EML1: variants seen among roughly 807,000 people sequenced by gnomAD.
The protein encoded by EML1 is echinoderm microtubule-associated protein-like 1.
In EML1, 27 loss-of-function variants were observed where a neutral mutation model predicts 110.4. The ratio of observed to expected loss-of-function variants is 0.24; its 90% CI spans 0.18 to 0.34. The LOEUF is 0.34. EML1 is among the 10% of genes least tolerant of loss of function. The pLI is 1.00. For synonymous variants in EML1, 344 were observed against 385.8 expected (o/e 0.89, Z 1.27); for missense variants, 741 against 1,030.9 (o/e 0.72, Z 3.85).
At chr14:99,928,397 G>A (rs2060306239) in intron 17 of EML1, among the ~76,000 whole-genome samples, 2 of 152,016 alleles carry the variant, frequency 1.3e-5, no homozygotes, top group South Asian at 4.1e-4. Flanking sequence ...GGCATAACAA[G>A]TTGTTCCAGG....
At chr14:99,851,701 CT>C (rs1433516878) in intron 2 of EML1, among the ~76,000 whole-genome samples, 1 of 151,926 alleles carries the variant, frequency 6.6e-6, no homozygotes, top group African/African-American at 2.4e-5. Flanking sequence ...TTCTACCTAG[CT>C]TTTTTTTGAA....
intron 1 of EML1, among the ~76,000 whole-genome samples, chr14:99,787,523 C>A (rs1437792587): frequency 6.6e-6 from 1 of 152,092 alleles, no homozygotes; most frequent in Non-Finnish European, 1.5e-5. Flanking sequence ...AGGTGATCTG[C>A]CTGGCTTGGC....
intron 4 of EML1, among the ~76,000 whole-genome samples, chr14:99,882,823 GA>G (rs112821117): frequency 0.1 from 14,997 of 143,234 alleles, 2,140 homozygotes; most frequent in African/African-American, 0.32. Context: ...CAACAAACAT[GA>G]AAAAAAAAAA....
At chr14:99,838,919 G>GCGCT (rs1555394664) in intron 1 of EML1, 1 of 41,782 alleles carries the variant, frequency 2.4e-5, no homozygotes, top group Non-Finnish European at 4.9e-5. Flanking sequence ...GCGCGCGCGC[G>GCGCT]TGTGTGTGTG....
chr14:99,856,671 C>T (rs1340748979), intron 2 of EML1, among the ~76,000 whole-genome samples: 2 of 152,064 alleles, frequency 1.3e-5, no homozygotes, highest in African/African-American at 4.8e-5. Flanking sequence ...GCTGCCCTCT[C>T]CAGTTTAGAT....
At chr14:99,751,449 A>G (rs575468416) in intron 1 of EML1, among the ~76,000 whole-genome samples, 10 of 152,202 alleles carry the variant, frequency 6.6e-5, no homozygotes, top group Admixed American at 6.5e-4. Context: ...GCAGACAAAG[A>G]TGACAGTATG....
intron 15 of EML1, 117 bp downstream of exon 15, chr14:99,914,814 A>G (rs2060006681): frequency 7.3e-7 from 1 of 1,365,428 alleles, no homozygotes. Context: ...AATGTTATTT[A>G]TCTATTTAGA....
upstream of EML1, among the ~76,000 whole-genome samples, chr14:99,768,329 A>G (rs1293593916): frequency 6.6e-6 from 1 of 152,114 alleles, no homozygotes; most frequent in Admixed American, 6.5e-5. Flanking sequence ...GAGTGGTGAG[A>G]TGGGGTCTCT....
At chr14:99,874,471 G>A (rs764391204) in intron 3 of EML1, among the ~76,000 whole-genome samples, 5 of 152,084 alleles carry the variant, frequency 3.3e-5, no homozygotes, top group African/African-American at 2.4e-5. Context: ...TTCACTCGCC[G>A]TCCAGAGAGA....
chr14:99,799,811 A>G (rs567101124), intron 1 of EML1, among the ~76,000 whole-genome samples: 1 of 152,358 alleles, frequency 6.6e-6, no homozygotes, highest in Admixed American at 6.5e-5. Context: ...GAGAGGAGAA[A>G]TAACATCTTT....
intron 1 of EML1, among the ~76,000 whole-genome samples, chr14:99,776,727 C>T (rs2057487106): frequency 6.6e-6 from 1 of 152,170 alleles, no homozygotes; most frequent in Non-Finnish European, 1.5e-5. Flanking sequence ...GAATTCCCCT[C>T]TTCTCAAATG....
At chr14:99,890,464 C>T (rs891486319) in intron 4 of EML1, among the ~76,000 whole-genome samples, 1 of 152,160 alleles carries the variant, frequency 6.6e-6, no homozygotes, top group Non-Finnish European at 1.5e-5. Flanking sequence ...CAGTGGCGGC[C>T]GCCTCTCCTT....
rs570007463 is a variant in EML1 at position 99,854,426 on chromosome 14, T to C, written c.250+3391T>C. On this transcript the variant is annotated intron_variant, in intron 2 of 21. Coordinates refer to ENST00000262233, the MANE Select transcript of EML1 (RefSeq NM_004434.3). ...AAGGTCAAGGCTTCCTGAAATGGGA[T>C]GAGATTGTGGCCCACTGTAATGTGC... is the stretch of plus-strand genomic sequence containing the variant. Among the ~76,000 whole-genome samples, 3 of 152,068 alleles carry C rather than the reference T, an allele frequency of 2.0e-5. No individual in the cohort carries two copies. The East Asian group carries it at 5.8e-4, about 29-fold the overall frequency.
intron 1 of EML1, among the ~76,000 whole-genome samples, chr14:99,813,446 G>A (rs1595326757): frequency 6.6e-6 from 1 of 152,162 alleles, no homozygotes; most frequent in South Asian, 2.1e-4. Flanking sequence ...CAGGTGTGGT[G>A]GCTCACGCCT....
At chr14:99,745,680 C>T (rs17564013) in intron 1 of EML1, among the ~76,000 whole-genome samples, 18,331 of 152,226 alleles carry the variant, frequency 0.12, 1,116 homozygotes, top group East Asian at 0.22. Context: ...GGTCCACCCT[C>T]GAGGCCAAAC....
In EML1 at chr14:99,787,309, G is replaced by A. The variant is rs367661328; in HGVS notation, c.-27+13296G>A. ...TTTTTTGAGACAGAGTCTCACTCTT[G>A]TTGTCCAGGCTGGATTGCGGTGGGC... On this transcript the variant is annotated intron_variant, in intron 1 of 22. Transcript: ENST00000327921. Among the ~76,000 whole-genome samples, 6 of 106,276 alleles carry A rather than the reference G, an allele frequency of 5.6e-5. No individual in the cohort carries two copies. The East Asian group carries it at 1.2e-3, about 21-fold the overall frequency. The allele number at this position is 106,276 out of a possible 152,430, so 69.7% of individuals were successfully genotyped here. A position where few individuals can be genotyped will look rare whatever the true frequency, so the allele number is the denominator to read the frequency against.
intron 1 of EML1, among the ~76,000 whole-genome samples, chr14:99,755,403 C>T (rs565994158): frequency 1.7e-3 from 258 of 152,322 alleles, no homozygotes; most frequent in Middle Eastern, 6.8e-3. Flanking sequence ...AGGTCCCACA[C>T]GCTGTGTGTC....
intron 1 of EML1, among the ~76,000 whole-genome samples, chr14:99,756,715 C>T (rs1271755678): frequency 1.3e-5 from 2 of 152,114 alleles, no homozygotes; most frequent in Non-Finnish European, 2.9e-5. Context: ...CTTCCCGAGC[C>T]CCCACACCTG....
At chr14:99,920,275 C>T (rs986223861) in intron 16 of EML1, among the ~76,000 whole-genome samples, 1 of 152,176 alleles carries the variant, frequency 6.6e-6, no homozygotes, top group Non-Finnish European at 1.5e-5. Flanking sequence ...TGTGCTTTCC[C>T]TCGCCCTGTT....
Sources: allele counts gnomAD v4.1 joint callset (sites outside exome capture counted in the v4.1 genomes callset), GRCh38; gene constraint gnomAD v4.1.1; transcripts MANE v1.5; gene names NCBI Gene and HGNC (gene_info 2026-07-23, HGNC 2026-07-21).